The following KDM4C variants were observed in gnomAD, a reference collection of about 807,000 sequenced individuals.
KDM4C encodes lysine-specific demethylase 4C.
KDM4C carries 81 observed loss-of-function variants against 129.3 expected under a neutral mutation model. The observed-to-expected ratio is 0.63, with a 90% CI of 0.52 to 0.75. KDM4C has a LOEUF of 0.75. KDM4C is among the 30% of genes least tolerant of loss of function. The probability of loss-of-function intolerance (pLI) is 0.00; values close to 1 mark genes in which losing one functional copy is unlikely to be tolerated. For missense variants in KDM4C, 1,457 were observed against 1,304.0 expected, an observed-to-expected ratio of 1.12 and a Z score of -1.81; for synonymous variants, 573 against 456.1, an observed-to-expected ratio of 1.26 and a Z score of -3.26.
In KDM4C at chr9:6,859,140, A is replaced by C. The variant is rs373759323; in HGVS notation, c.629+9440A>C. ...TTGGTGACTCCATTTCATTTAGTGA[A>C]GTCCTTTGATGTTTGCCAGGAACCA... On this transcript the variant is annotated intron_variant, in intron 5 of 21. Transcript: ENST00000381309. Among the ~76,000 whole-genome samples, 3 of 152,136 alleles carry C rather than the reference A, an allele frequency of 2.0e-5. No homozygotes were observed. The East Asian group carries it at 5.8e-4, about 29-fold the overall frequency.
chr9:7,162,164 G>T (rs192830197), intron 19 of KDM4C, among the ~76,000 whole-genome samples: 2 of 152,298 alleles, frequency 1.3e-5, no homozygotes, highest in African/African-American at 2.4e-5. Flanking sequence ...TTTGGAGGTG[G>T]GGGAGGCACA....
chr9:6,887,822 A>G (rs1182466705), intron 6 of KDM4C, 138 bp from the exon 7 acceptor site: 6 of 571,146 alleles, frequency 1.1e-5, no homozygotes, highest in Non-Finnish European at 9.5e-6. Flanking sequence ...GAGTTTTAGT[A>G]CAAGGGCTTT....
intron 15 of KDM4C, among the ~76,000 whole-genome samples, chr9:7,018,515 T>C (rs1202283377): frequency 6.6e-6 from 1 of 152,254 alleles, no homozygotes; most frequent in Non-Finnish European, 1.5e-5. Flanking sequence ...CATAAAGTAT[T>C]GCAGAATCAG....
intron 15 of KDM4C, among the ~76,000 whole-genome samples, chr9:7,039,658 A>G (rs1828229426): frequency 6.6e-6 from 1 of 152,072 alleles, no homozygotes; most frequent in Non-Finnish European, 1.5e-5. Flanking sequence ...TATTTATTAT[A>G]TGCTGTATTT....
intron 5 of KDM4C, among the ~76,000 whole-genome samples, chr9:6,859,959 G>A (rs561893453): frequency 6.6e-6 from 1 of 152,044 alleles, no homozygotes; most frequent in Admixed American, 6.5e-5. Context: ...ACTATTAACT[G>A]ATTTTTCCTA....
At chr9:6,847,225 C>T (rs1480692529) in intron 4 of KDM4C, among the ~76,000 whole-genome samples, 2 of 152,166 alleles carry the variant, frequency 1.3e-5, no homozygotes, top group African/African-American at 4.8e-5. Context: ...ACTTCAGATT[C>T]ATTGCTTCAC....
chr9:6,754,044 T>G (rs1818161816), upstream of KDM4C, among the ~76,000 whole-genome samples: 1 of 151,426 alleles, frequency 6.6e-6, no homozygotes, highest in Non-Finnish European at 1.5e-5. Flanking sequence ...CTGGCTAATT[T>G]TTTGTATTTT....
chr9:7,055,345 G>T (rs1658392826), intron 17 of KDM4C, among the ~76,000 whole-genome samples: 1 of 152,192 alleles, frequency 6.6e-6, no homozygotes, highest in African/African-American at 2.4e-5. Flanking sequence ...AATGAATTTT[G>T]GAATAGCAGG....
At chr9:6,801,641 G>C (rs13285530) in intron 2 of KDM4C, among the ~76,000 whole-genome samples, 208 of 133,146 alleles carry the variant, frequency 1.6e-3, no homozygotes, top group African/African-American at 5.7e-3. Context: ...CTCTCTCTCT[G>C]TCTCTCTCTC....
chr9:6,985,662 G>A (rs1182077666), intron 10 of KDM4C, among the ~76,000 whole-genome samples: 1 of 152,016 alleles, frequency 6.6e-6, no homozygotes, highest in Non-Finnish European at 1.5e-5. Flanking sequence ...CAATACATAT[G>A]GATATTTCAC....
rs183477077 is a variant in KDM4C at position 6,735,693 on chromosome 9, T to C, written c.49+14696T>C. ...TCACCCATGTGGAACTGTAAGTTCA[T>C]TAAACCTCTTTTTCTTCCCAGTGTC... is the stretch of plus-strand genomic sequence containing the variant. On this transcript the variant is annotated intron_variant, in intron 1 of 17. Coordinates refer to the KDM4C transcript ENST00000536108. Among the ~76,000 whole-genome samples the C allele has an allele frequency of 2.6e-5, 4 of 152,350 alleles. No individual in the cohort carries two copies. In the East Asian group the frequency reaches 7.7e-4, roughly 29 times the overall value.
intron 15 of KDM4C, among the ~76,000 whole-genome samples, chr9:7,027,675 A>G (rs1234660333): frequency 6.6e-6 from 1 of 152,204 alleles, no homozygotes; most frequent in Non-Finnish European, 1.5e-5. Context: ...CCTGCCCTTC[A>G]TGATGGTGAG....
intron 15 of KDM4C, among the ~76,000 whole-genome samples, chr9:7,025,402 G>A (rs1825645769): frequency 6.6e-6 from 1 of 152,064 alleles, no homozygotes; most frequent in African/African-American, 2.4e-5. Flanking sequence ...TGTATTGTTT[G>A]TCTTTTGCTT....
rs181403963 is a variant in KDM4C at position 7,112,075 on chromosome 9, T to A, written c.2610+8205T>A. Reference sequence around the variant, plus strand: ...CATGCGCCCACATGCACAAAGTGGGTCATGCTGAGATCAGGCAGGAGAGGC... The same window carrying A: ...CATGCGCCCACATGCACAAAGTGGGACATGCTGAGATCAGGCAGGAGAGGC... On this transcript the variant is annotated intron_variant, in intron 18 of 21. Coordinates refer to ENST00000381309, the MANE Select transcript of KDM4C (RefSeq NM_015061.6). 2.5e-4 allele frequency among the ~76,000 whole-genome samples: 38 copies of A among 152,078 alleles called. 1 individual carries two copies. Among genetic ancestry groups the A allele is most frequent in the Admixed American group, 2.3e-3 (35 of 15,262 alleles).
At chr9:7,072,087 G>T (rs1287131375) in intron 17 of KDM4C, among the ~76,000 whole-genome samples, 2 of 152,164 alleles carry the variant, frequency 1.3e-5, no homozygotes, top group African/African-American at 2.4e-5. Context: ...GGTAAAGCAA[G>T]TAGAACCACA....
intron 1 of KDM4C, among the ~76,000 whole-genome samples, chr9:6,782,048 C>T (rs1173341425): frequency 6.6e-6 from 1 of 152,096 alleles, no homozygotes; most frequent in Non-Finnish European, 1.5e-5. Context: ...TGGTCTCGAA[C>T]TCCTGACCTC....
At chr9:6,925,912 C>T (rs897935038) in intron 8 of KDM4C, among the ~76,000 whole-genome samples, 1 of 152,148 alleles carries the variant, frequency 6.6e-6, no homozygotes, top group Non-Finnish European at 1.5e-5. Flanking sequence ...TCTTGAGCCG[C>T]AGCTTAGCTT....
chr9:7,057,747 C>T (rs535941730), intron 17 of KDM4C, among the ~76,000 whole-genome samples: 2 of 152,178 alleles, frequency 1.3e-5, no homozygotes, highest in African/African-American at 4.8e-5. Flanking sequence ...CTGGCGTGTT[C>T]TGTCATCTCC....
At chr9:6,843,745 T>C (rs1470058490) in intron 4 of KDM4C, among the ~76,000 whole-genome samples, 2 of 152,238 alleles carry the variant, frequency 1.3e-5, no homozygotes, top group East Asian at 3.8e-4. Flanking sequence ...AAATTCTTCA[T>C]TCCATTTTAC....
Sources: allele counts gnomAD v4.1 joint callset (sites outside exome capture counted in the v4.1 genomes callset), GRCh38; gene constraint gnomAD v4.1.1; transcripts MANE v1.5; gene names NCBI Gene and HGNC (gene_info 2026-07-23, HGNC 2026-07-21).